KCNH1: variants seen among roughly 807,000 people sequenced by gnomAD.
KCNH1 encodes the protein potassium voltage-gated channel subfamily H member 1.
A neutral mutation model predicts 69.2 loss-of-function variants in KCNH1; 27 were observed. The ratio of observed to expected loss-of-function variants is 0.39; its 90% CI spans 0.29 to 0.54. The LOEUF (loss-of-function observed/expected upper bound fraction) is 0.54, where lower values mean the gene tolerates loss of function less well. Among genes scored for constraint, KCNH1 ranks in the 20% least tolerant of loss-of-function variants. The probability of loss-of-function intolerance (pLI) is 0.68; values close to 1 mark genes in which losing one functional copy is unlikely to be tolerated. For synonymous variants in KCNH1, 456 were observed against 487.7 expected, an observed-to-expected ratio of 0.93 and a Z score of 0.86; for missense variants, 798 against 1,261.6, an observed-to-expected ratio of 0.63 and a Z score of 5.57.
chr1:211,034,905 G>A (rs544472224), intron 5 of KCNH1, among the ~76,000 whole-genome samples: 13 of 152,274 alleles, frequency 8.5e-5, no homozygotes, highest in African/African-American at 3.1e-4. Context: ...TCCTCAGGAG[G>A]AAATGCCCTT....
At chr1:210,990,669 A>G (rs758208728) in intron 6 of KCNH1, among the ~76,000 whole-genome samples, 5 of 152,198 alleles carry the variant, frequency 3.3e-5, no homozygotes, top group Non-Finnish European at 1.5e-5. Context: ...TTTACTCAAC[A>G]GCAAAACAGA....
intron 7 of KCNH1, among the ~76,000 whole-genome samples, chr1:210,832,814 CTTATATA>C (rs1184762886): frequency 6.6e-6 from 1 of 151,088 alleles, no homozygotes; most frequent in Non-Finnish European, 1.5e-5. Flanking sequence ...ACTGAAATGT[CTTATATA>C]TTATACAATT....
At chr1:210,860,892 A>T in intron 7 of KCNH1, 1 of 925,602 alleles carries the variant, frequency 1.1e-6, no homozygotes, top group Non-Finnish European at 1.8e-6. Flanking sequence ...TGCTGAAGAG[A>T]GAGAACACAT....
chr1:210,771,664 T>C (rs992705782), intron 10 of KCNH1, among the ~76,000 whole-genome samples: 2 of 152,238 alleles, frequency 1.3e-5, no homozygotes, highest in Non-Finnish European at 2.9e-5. Flanking sequence ...ACTCGCTATG[T>C]AGTAGTAGGC....
chr1:210,776,153 G>T (rs1683857219), intron 9 of KCNH1, among the ~76,000 whole-genome samples: 1 of 152,284 alleles, frequency 6.6e-6, no homozygotes, highest in Middle Eastern at 3.4e-3. Flanking sequence ...CATGGAAGAA[G>T]TCAGACAAGT....
In KCNH1 at chr1:210,905,620, AG is replaced by A. The variant is rs368817445; in HGVS notation, c.1462+14019del. Reference sequence around the variant, plus strand: ...TCACATTGACAGCTTAGAGCAAAAGAGTTCTTTGTGAGCATCGTGTCTTTCA... The same window carrying A: ...TCACATTGACAGCTTAGAGCAAAAGATTCTTTGTGAGCATCGTGTCTTTCA... On this transcript the variant is annotated intron_variant, in intron 7 of 10. Coordinates refer to ENST00000271751, the MANE Select transcript of KCNH1 (RefSeq NM_172362.3). Among the ~76,000 whole-genome samples the A allele has an allele frequency of 4.1e-3, 620 of 152,068 alleles. 8 individuals carry two copies. The highest frequency in any genetic ancestry group is 0.014 in the African/African-American group (595 of 41,468).
intron 5 of KCNH1, among the ~76,000 whole-genome samples, chr1:211,035,749 T>C (rs1239762141): frequency 6.6e-6 from 1 of 152,208 alleles, no homozygotes; most frequent in Non-Finnish European, 1.5e-5. Context: ...GAGTGAGTTC[T>C]TTATTACAGA....
intron 10 of KCNH1, among the ~76,000 whole-genome samples, chr1:210,736,466 G>A (rs1423879867): frequency 6.6e-6 from 1 of 152,026 alleles, no homozygotes; most frequent in Non-Finnish European, 1.5e-5. Flanking sequence ...AGAATCGCTT[G>A]AACCCTGGAG....
At chr1:210,986,607 C>T (rs548980217) in intron 6 of KCNH1, among the ~76,000 whole-genome samples, 2 of 152,204 alleles carry the variant, frequency 1.3e-5, no homozygotes, top group African/African-American at 4.8e-5. Flanking sequence ...TGTTGAATAT[C>T]AGCCCCCACT....
chr1:210,771,209 T>C (rs1187908376), intron 10 of KCNH1, among the ~76,000 whole-genome samples: 1 of 152,142 alleles, frequency 6.6e-6, no homozygotes, highest in African/African-American at 2.4e-5. Context: ...TGAGGAAGGC[T>C]CTACTTCCCC....
At position 210,858,209 on chromosome 1, in the gene KCNH1, T is replaced by C. The variant is rs2102476912; in HGVS notation, c.1463-54043A>G. On this transcript the variant is annotated intron_variant, in intron 7 of 10. Coordinates refer to ENST00000271751, the MANE Select transcript of KCNH1 (RefSeq NM_172362.3). ...TCAACTCTTTCACAGTAGAACTTCATATCCAGTTAACATGCTCTAGATACC... is the reference window on the plus strand; with the variant it reads ...TCAACTCTTTCACAGTAGAACTTCACATCCAGTTAACATGCTCTAGATACC... The C allele has an allele frequency of 1.3e-5, 2 of 152,342 alleles. 1 individual carries two copies. Among genetic ancestry groups the C allele is most frequent in the South Asian group, 4.1e-4 (2 of 4,822 alleles). 9.4% of individuals were successfully genotyped at this position (152,342 alleles called of 1,614,324 possible).
intron 10 of KCNH1, among the ~76,000 whole-genome samples, chr1:210,760,916 G>C (rs922096204): frequency 2.6e-5 from 4 of 152,142 alleles, no homozygotes; most frequent in Non-Finnish European, 2.9e-5. Context: ...ATTTGGGTGA[G>C]AACACAGTCA....
intron 5 of KCNH1, among the ~76,000 whole-genome samples, chr1:211,038,204 G>A (rs1449769009): frequency 6.6e-6 from 1 of 151,916 alleles, no homozygotes; most frequent in Non-Finnish European, 1.5e-5. Context: ...CTCGTGATCT[G>A]CCCGCCTCAG....
intron 2 of KCNH1, among the ~76,000 whole-genome samples, chr1:211,104,222 A>G (rs1380576262): frequency 1.3e-5 from 2 of 152,224 alleles, no homozygotes; most frequent in African/African-American, 4.8e-5. Flanking sequence ...AAGTAATTTA[A>G]TCTTCATCTT....
intron 4 of KCNH1, 107 bp from the exon 5 acceptor site, chr1:211,083,005 C>G (rs1190808548): frequency 1.2e-6 from 1 of 850,776 alleles, no homozygotes; most frequent in East Asian, 2.5e-5. Flanking sequence ...CCAATGCCCT[C>G]CTAAGCTCCC....
intron 5 of KCNH1, among the ~76,000 whole-genome samples, chr1:211,077,460 T>G (rs1246610272): frequency 1.3e-5 from 2 of 152,144 alleles, no homozygotes; most frequent in African/African-American, 4.8e-5. Context: ...TATTCAACAT[T>G]CTTAAAGAAA....
At chr1:210,917,481 C>CA (rs1687372399) in intron 7 of KCNH1, among the ~76,000 whole-genome samples, 1 of 151,808 alleles carries the variant, frequency 6.6e-6, no homozygotes, top group Non-Finnish European at 1.5e-5. Flanking sequence ...TTGGGGAAAA[C>CA]AAAAAAACAA....
intron 6 of KCNH1, among the ~76,000 whole-genome samples, chr1:210,953,841 T>C (rs990754818): frequency 1.3e-5 from 2 of 152,194 alleles, no homozygotes; most frequent in African/African-American, 4.8e-5. Flanking sequence ...TCCAGATACA[T>C]TGAACTACTT....
intron 2 of KCNH1, among the ~76,000 whole-genome samples, chr1:211,106,161 C>T (rs757158076): frequency 6.6e-6 from 1 of 152,192 alleles, no homozygotes; most frequent in Non-Finnish European, 1.5e-5. Flanking sequence ...AATGATTCCA[C>T]TTCATGCAAA....
Sources: allele counts gnomAD v4.1 joint callset (sites outside exome capture counted in the v4.1 genomes callset), GRCh38; gene constraint gnomAD v4.1.1; transcripts MANE v1.5; gene names NCBI Gene and HGNC (gene_info 2026-07-23, HGNC 2026-07-21).